The following FTO variants were observed in gnomAD, a reference collection of about 807,000 sequenced individuals.
FTO encodes the protein FTO alpha-ketoglutarate dependent dioxygenase.
In FTO, 47 loss-of-function variants were observed where a neutral mutation model predicts 63.9. The observed-to-expected ratio is 0.74, with a 90% CI of 0.58 to 0.94. FTO has a LOEUF of 0.94. FTO is among the 40% of genes least tolerant of loss of function. The pLI, the probability that FTO is intolerant of heterozygous loss-of-function variation, is 0.00. For missense variants in FTO, 562 were observed against 618.1 expected (o/e 0.91, Z 0.96); for synonymous variants, 207 against 224.4 (o/e 0.92, Z 0.69).
chr16:53,923,991 G>A (rs2082073577), intron 7 of FTO, among the ~76,000 whole-genome samples: 1 of 152,096 alleles, frequency 6.6e-6, no homozygotes, highest in African/African-American at 2.4e-5. Context: ...TGGTGTAAGT[G>A]CTTTGGGGAA....
chr16:53,817,434 G>A (rs2078727021), intron 2 of FTO, among the ~76,000 whole-genome samples: 1 of 152,164 alleles, frequency 6.6e-6, no homozygotes. Context: ...ATGAGTGATA[G>A]GGTGCAAATT....
At chr16:53,877,029 T>C (rs558419417) in intron 5 of FTO, among the ~76,000 whole-genome samples, 26 of 152,322 alleles carry the variant, frequency 1.7e-4, no homozygotes, top group Admixed American at 1.3e-3. Context: ...CACGACGGGA[T>C]AACATTTCAC....
intron 1 of FTO, among the ~76,000 whole-genome samples, chr16:53,800,670 A>G (rs1383630388): frequency 5.9e-5 from 9 of 152,098 alleles, no homozygotes; most frequent in Non-Finnish European, 1.0e-4. Context: ...AGGTGTATAT[A>G]TGTTTAAGAT....
chr16:53,755,937 A>C (rs973875681), intron 1 of FTO, among the ~76,000 whole-genome samples: 2 of 152,188 alleles, frequency 1.3e-5, no homozygotes, highest in Non-Finnish European at 2.9e-5. Context: ...TGGTTAAGCC[A>C]CTGTTATTTT....
At chr16:53,784,410 G>T (rs569013724) in intron 1 of FTO, among the ~76,000 whole-genome samples, 1 of 152,146 alleles carries the variant, frequency 6.6e-6, no homozygotes, top group Non-Finnish European at 1.5e-5. Flanking sequence ...ATGGTTATAT[G>T]GTGACTTTCA....
intron 2 of FTO, among the ~76,000 whole-genome samples, chr16:53,817,185 TTGAA>T (rs575969069): frequency 1.3e-5 from 2 of 152,248 alleles, no homozygotes; most frequent in Non-Finnish European, 2.9e-5. Context: ...AAATGAAGTA[TTGAA>T]TGAATGAATG....
chr16:54,069,054 AT>A (rs1220409956), intron 8 of FTO, among the ~76,000 whole-genome samples: 1 of 152,108 alleles, frequency 6.6e-6, no homozygotes, highest in Admixed American at 6.5e-5. Context: ...GATCATGATT[AT>A]TTTTTTACAC....
intron 8 of FTO, among the ~76,000 whole-genome samples, chr16:54,096,201 T>C (rs1247617681): frequency 6.6e-6 from 1 of 152,232 alleles, no homozygotes; most frequent in African/African-American, 2.4e-5. Context: ...ATCTTCTTGA[T>C]CACTGACCCA....
intron 2 of FTO, among the ~76,000 whole-genome samples, chr16:53,820,573 C>T (rs2078832587): frequency 6.6e-6 from 1 of 151,698 alleles, no homozygotes; most frequent in Non-Finnish European, 1.5e-5. Flanking sequence ...TGGTGCGCTG[C>T]ACCCACTAAC....
intron 8 of FTO, among the ~76,000 whole-genome samples, chr16:54,064,338 G>T (rs2085667683): frequency 6.6e-6 from 1 of 152,126 alleles, no homozygotes; most frequent in South Asian, 2.1e-4. Context: ...TTATCATTTT[G>T]TGAGACTAAG....
intron 8 of FTO, among the ~76,000 whole-genome samples, chr16:54,028,263 T>G (rs2144195693): frequency 6.6e-6 from 1 of 152,298 alleles, no homozygotes; most frequent in East Asian, 1.9e-4. Context: ...GCCCACCAGT[T>G]GGGTAGCTTC....
intron 1 of FTO, among the ~76,000 whole-genome samples, chr16:53,710,527 C>T (rs1459021346): frequency 2.6e-5 from 4 of 151,986 alleles, no homozygotes; most frequent in East Asian, 3.9e-4. Context: ...CCTCCCAAAG[C>T]GTTGGGATTA....
chr16:53,738,343 T>G (rs2076439609), intron 1 of FTO, among the ~76,000 whole-genome samples: 1 of 152,216 alleles, frequency 6.6e-6, no homozygotes, highest in African/African-American at 2.4e-5. Context: ...GGTCTGGCTA[T>G]GTTGCCTAGG....
At chr16:53,851,882 C>A (rs1211304607) in intron 4 of FTO, among the ~76,000 whole-genome samples, 3 of 152,038 alleles carry the variant, frequency 2.0e-5, no homozygotes, top group African/African-American at 7.3e-5. Context: ...CAAGTTCCAT[C>A]CCTTAGAGGT....
In FTO at chr16:54,112,890, A is replaced by C. The variant is rs1392784464; in HGVS notation, c.*975A>C. On this transcript the variant is annotated 3_prime_UTR_variant, in exon 9 of 9. Transcript: ENST00000471389. Reference sequence around the variant, plus strand: ...GTGGAACTGAGGTTTGAAGAACCTCAGTGGCCCATCCTGATGACATTGGAG... The same window carrying C: ...GTGGAACTGAGGTTTGAAGAACCTCCGTGGCCCATCCTGATGACATTGGAG... 1 of 152,206 alleles carries C rather than the reference A, an allele frequency of 6.6e-6. No individual in the cohort carries two copies. The highest frequency in any genetic ancestry group is 1.5e-5 in the Non-Finnish European group (1 of 68,048). The allele number at this position is 152,206 out of a possible 1,614,324, so 9.4% of individuals were successfully genotyped here. A position where few individuals can be genotyped will look rare whatever the true frequency, so the allele number is the denominator to read the frequency against.
intron 8 of FTO, chr16:53,979,535 CTGTGTGTGTGTG>C (rs57334871): frequency 2.3e-4 from 87 of 373,340 alleles, no homozygotes; most frequent in African/African-American, 1.5e-3. Flanking sequence ...ATGTTTATGG[CTGTGTGTGTGTG>C]TGTGTGTGTG....
At chr16:53,748,274 A>G (rs1056171429) in intron 1 of FTO, among the ~76,000 whole-genome samples, 1 of 152,160 alleles carries the variant, frequency 6.6e-6, no homozygotes, top group African/African-American at 2.4e-5. Flanking sequence ...TTTTAACAAT[A>G]TTAATTCTTC....
chr16:54,078,451 G>A (rs1238495669), intron 8 of FTO, among the ~76,000 whole-genome samples: 1 of 147,778 alleles, frequency 6.8e-6, no homozygotes, highest in African/African-American at 2.5e-5. Context: ...CTTCAAATTA[G>A]CACATTTTAG....
intron 8 of FTO, among the ~76,000 whole-genome samples, chr16:53,973,988 T>C (rs1450518034): frequency 6.6e-6 from 1 of 152,178 alleles, no homozygotes; most frequent in African/African-American, 2.4e-5. Context: ...AGGCCCAGTG[T>C]TGCTACATTT....
Sources: allele counts gnomAD v4.1 joint callset (sites outside exome capture counted in the v4.1 genomes callset), GRCh38; gene constraint gnomAD v4.1.1; transcripts MANE v1.5; gene names NCBI Gene and HGNC (gene_info 2026-07-23, HGNC 2026-07-21).